PHKA1: variants seen among roughly 807,000 people sequenced by gnomAD.
PHKA1 encodes phosphorylase b kinase regulatory subunit alpha, skeletal muscle isoform.
A neutral mutation model predicts 110.2 loss-of-function variants in PHKA1; 60 were observed. The observed-to-expected ratio is 0.54, with a 90% CI of 0.44 to 0.68. PHKA1 has a LOEUF of 0.68. PHKA1 is among the 30% of genes least tolerant of loss of function. The probability of loss-of-function intolerance (pLI) is 0.00; values close to 1 mark genes in which losing one functional copy is unlikely to be tolerated. For missense variants in PHKA1, 801 were observed against 942.5 expected (o/e 0.85, Z 1.97); for synonymous variants, 316 against 333.6 (o/e 0.95, Z 0.58).
intron 2 of PHKA1, among the ~76,000 whole-genome samples, 173 bp downstream of exon 2, chrX:72,712,606 G>A (rs782124699): frequency 9.0e-6 from 1 of 111,390 alleles, no homozygotes; most frequent in Non-Finnish European, 1.9e-5. Context: ...TACCACTTCA[G>A]TACAATACAG....
In PHKA1 at chrX:72,618,747, C is replaced by T; in HGVS notation, c.2332G>A (p.Glu778Lys). 8.3e-7 allele frequency: 1 copy of T among 1,198,665 alleles called. No homozygotes were observed. ...AGCATATAGAGGATATCAGCTTGTTCCTGTAAGCTTGAGGTCTCCTTCAAC... is the reference window on the plus strand; with the variant it reads ...AGCATATAGAGGATATCAGCTTGTTTCTGTAAGCTTGAGGTCTCCTTCAAC... The part of the protein sequence containing the change: ...LQLKETSSLQ[E>K]QADILYMLYT... Residue 778 changes from glutamate to lysine, a missense_variant, in exon 21 of 32, where the codon GAA (glutamate) becomes AAA (lysine). Physicochemically the swap from Glu to Lys is moderately conservative, Grantham distance 56. This residue lies in a region of PHKA1 where 502 missense variants were observed against 519.2 expected (regional missense o/e 0.97). Coordinates refer to ENST00000373542, the MANE Select transcript of PHKA1 (RefSeq NM_002637.4).
At position 72,714,284 on chromosome X, in the gene PHKA1, T is replaced by A. The variant is rs1192653025; in HGVS notation, c.-404A>T. On this transcript the variant is annotated 5_prime_UTR_variant, in exon 1 of 32. Transcript: ENST00000373542. ...AACGACCGCTGCGCCGCCTCCACCT[T>A]GCGGGAGACGCGAGCGGGAGGCGGG... 7.5e-6 allele frequency: 1 copy of A among 133,434 alleles called. No homozygotes were observed. Among genetic ancestry groups the A allele is most frequent in the East Asian group, 2.4e-4 (1 of 4,155 alleles). 11.0% of individuals were successfully genotyped at this position (133,434 alleles called of 1,213,427 possible).
At position 72,623,231 on chromosome X, in the gene PHKA1, C is replaced by G. The variant is rs2053004931; in HGVS notation, c.1838G>C (p.Cys613Ser). 8.3e-7 allele frequency: 1 copy of G among 1,210,018 alleles called. No homozygotes were observed. The highest frequency in any genetic ancestry group is 2.2e-5 in the Admixed American group (1 of 45,886). The change falls in exon 18 of 32, where the codon TGC (cysteine) becomes TCC (serine). Residue 613 changes from cysteine (C) to serine (S), a missense_variant. Transcript: ENST00000373542. ...AGGGTCCATGAAGCTCAAGTGTGTG[C>G]AACAAGATGTTGTCAAAAACTCTGA... Reference protein sequence around the residue: ...KLSEFLTTSCCTHLSFMDPGP... With the variant: ...KLSEFLTTSCSTHLSFMDPGP...
In PHKA1 at chrX:72,635,210, G is replaced by C; in HGVS notation, c.1659C>G (p.Arg553=). The C allele has an allele frequency of 8.3e-7, 1 of 1,211,617 alleles. No individual in the cohort carries two copies. Among genetic ancestry groups the C allele is most frequent in the Non-Finnish European group, 1.1e-6 (1 of 895,269 alleles). ...TGGTGGGCTGGCCTGTCATCCGCCA[G>C]CGGCTACAGAGGTAGGAGAGGTCTG... is the stretch of plus-strand genomic sequence containing the variant. The part of the protein sequence containing the change: ...LRTDLSYLCS[R]WRMTGQPTIT... The change falls in exon 16 of 32, where the codon CGC becomes CGG. Residue 553 remains arginine, a synonymous_variant. Transcript: ENST00000373542.
chrX:72,713,678 A>ACACG, intron 1 of PHKA1, 125 bp downstream of exon 1: 2 of 547,829 alleles, frequency 3.7e-6, no homozygotes. Context: ...CGTCACACAC[A>ACACG]CACACACACA....
At chrX:72,653,949 T>G (rs1244881975) in intron 10 of PHKA1, among the ~76,000 whole-genome samples, 1 of 110,511 alleles carries the variant, frequency 9.0e-6, no homozygotes, top group East Asian at 2.8e-4. Context: ...CATTTCTACC[T>G]GCCAAATTAG....
chrX:72,619,396 G>T, intron 19 of PHKA1, 91 bp from the exon 20 acceptor site: 1 of 559,272 alleles, frequency 1.8e-6, no homozygotes, highest in Non-Finnish European at 3.1e-6. Flanking sequence ...TCACATGTGA[G>T]TCAGTTCTTC....
chrX:72,591,665 A>G (rs1227518915), intron 29 of PHKA1, among the ~76,000 whole-genome samples: 1 of 112,273 alleles, frequency 8.9e-6, no homozygotes, highest in Admixed American at 9.4e-5. Context: ...AAAGTCATTT[A>G]TAGAACTGGC....
chrX:72,630,872 C>G lies in PHKA1; in HGVS notation c.1715-3823G>C, dbSNP rs188656979. Among the ~76,000 whole-genome samples the G allele has an allele frequency of 3.6e-5, 4 of 110,465 alleles. No individual in the cohort carries two copies. The East Asian group carries it at 8.4e-4, about 23-fold the overall frequency. On this transcript the variant is annotated intron_variant, in intron 16 of 31. Transcript: ENST00000373542. ...ATGCTTTTTCTGATTTTCTCTCATA[C>G]TTTTTCTCCTCTTTCTGAAACTTTT...
chrX:72,705,696 AATAAAGTGAATTTTAATAAAGAATAAGT>A (rs1185686460), intron 2 of PHKA1, among the ~76,000 whole-genome samples: 1 of 112,369 alleles, frequency 8.9e-6, no homozygotes, highest in Non-Finnish European at 1.9e-5. Flanking sequence ...TCCTCTAAAG[AATAAAGTGAATTTTAATAAAGAATAAGT>A]ATAAAGGGGA....
chrX:72,585,199 T>C (rs967896770), intron 29 of PHKA1, among the ~76,000 whole-genome samples: 1 of 111,190 alleles, frequency 9.0e-6, no homozygotes, highest in South Asian at 3.8e-4. Flanking sequence ...TAAGTACAAA[T>C]GGTGCACACC....
intron 4 of PHKA1, among the ~76,000 whole-genome samples, chrX:72,694,312 A>G (rs782548667): frequency 8.9e-6 from 1 of 111,917 alleles, no homozygotes; most frequent in African/African-American, 3.2e-5. Flanking sequence ...TTCCTATCCA[A>G]TCTATCTTCC....
At chrX:72,620,673 T>C in intron 19 of PHKA1, 52 bp downstream of exon 19, 2 of 1,079,267 alleles carry the variant, frequency 1.9e-6, no homozygotes, top group East Asian at 3.0e-5. Flanking sequence ...GCCCCTATCC[T>C]GGGCTTCACG....
chrX:72,637,888 A>G (rs2147737264), intron 14 of PHKA1, among the ~76,000 whole-genome samples: 1 of 111,246 alleles, frequency 9.0e-6, no homozygotes, highest in East Asian at 2.8e-4. Context: ...CTTTCCATTT[A>G]TTTGTCTCCT....
intron 8 of PHKA1, 80 bp downstream of exon 8, chrX:72,666,071 G>A: frequency 2.1e-6 from 2 of 942,068 alleles, no homozygotes; most frequent in Non-Finnish European, 3.0e-6. Flanking sequence ...ACAGACACAG[G>A]TCATACTTAA....
rs782191011 is a variant in PHKA1 at position 72,602,020 on chromosome X, G to A, written c.3043C>T (p.Arg1015Cys). 5.1e-5 allele frequency: 61 copies of A among 1,195,997 alleles called. No individual in the cohort carries two copies. The Middle Eastern group carries it at 1.4e-3, about 27-fold the overall frequency. The stretch of plus-strand genomic sequence containing the variant: ...CTCTCAGCTGAGATTGACAGTCTAC[G>A]AAATTCCACCTGAAACATAAATGGC... ...LKSEIKQVEF[R>C]RLSISAESQS... Residue 1015 changes from arginine (R) to cysteine (C), a missense_variant, in exon 28 of 32, where the codon CGT becomes TGT. Arg to Cys is a radical substitution (Grantham distance 180). Transcript: ENST00000373542.
chrX:72,682,082 G>T (rs2053893119), intron 5 of PHKA1, among the ~76,000 whole-genome samples: 1 of 96,520 alleles, frequency 1.0e-5, no homozygotes, highest in Non-Finnish European at 2.1e-5. Flanking sequence ...GAGGTGGGGG[G>T]GGTCGGCCCC....
intron 21 of PHKA1, among the ~76,000 whole-genome samples, chrX:72,614,731 A>G (rs782156185): frequency 1.3e-3 from 144 of 111,565 alleles, no homozygotes; most frequent in Non-Finnish European, 2.3e-3. Context: ...GATTTGGCCA[A>G]TGATTCCCTG....
chrX:72,597,663 G>A (rs1243718455), intron 28 of PHKA1, among the ~76,000 whole-genome samples: 1 of 112,046 alleles, frequency 8.9e-6, no homozygotes, highest in African/African-American at 3.2e-5. Context: ...CTTCCTTTGT[G>A]TTACAAACAA....
Sources: gnomAD v4.1 joint callset for allele counts (sites outside exome capture counted in the v4.1 genomes callset) on GRCh38, gnomAD v4.1.1 for gene constraint, gnomAD v4.1.1 regional missense constraint, MANE v1.5 for transcripts, NCBI Gene and HGNC (gene_info 2026-07-23, HGNC 2026-07-21) for gene names.